Variants in PXMP2 observed in about 807,000 individuals in gnomAD.
The protein encoded by PXMP2 is peroxisomal membrane protein 2.
A neutral mutation model predicts 20.2 loss-of-function variants in PXMP2; 13 were observed. The ratio of observed to expected loss-of-function variants is 0.64; its 90% CI spans 0.42 to 1.02. The LOEUF is 1.02. Among genes scored for constraint, PXMP2 ranks in the 50% least tolerant of loss-of-function variants. PXMP2 has a pLI of 0.00. For synonymous variants in PXMP2, 113 were observed against 111.2 expected (o/e 1.02, Z -0.10); for missense variants, 284 against 251.8 (o/e 1.13, Z -0.87).
intron 2 of PXMP2, among the ~76,000 whole-genome samples, chr12:132,690,981 G>A (rs542957260): frequency 3.3e-5 from 5 of 152,050 alleles, no homozygotes; most frequent in East Asian, 3.9e-4. Context: ...CCCTGAAAGC[G>A]TCCTAGACTG....
At chr12:132,692,334 T>C (rs1459529011) in intron 2 of PXMP2, among the ~76,000 whole-genome samples, 5 of 135,518 alleles carry the variant, frequency 3.7e-5, no homozygotes, top group African/African-American at 1.4e-4. Flanking sequence ...AGCCAGTTAG[T>C]TAGTGAGCGC....
At chr12:132,695,853 C>T in intron 2 of PXMP2, 31 bp from the exon 3 acceptor site, 1 of 1,579,210 alleles carries the variant, frequency 6.3e-7, no homozygotes, top group Non-Finnish European at 8.6e-7. Flanking sequence ...CAGAGAACCA[C>T]AATCTGGCTC....
chr12:132,699,620 C>A (rs1439026184), intron 3 of PXMP2, among the ~76,000 whole-genome samples: 1 of 151,036 alleles, frequency 6.6e-6, no homozygotes, highest in Non-Finnish European at 1.5e-5. Flanking sequence ...AACCTCCGCC[C>A]CCCAGGTTCA....
In PXMP2 at chr12:132,696,128, G is replaced by C. The variant is rs1357886384; in HGVS notation, c.399+82G>C. On this transcript the variant is annotated intron_variant, in intron 3 of 4. Transcript: ENST00000317479. The surrounding 1 kb of genome is among the most constrained non-coding windows in gnomAD (Gnocchi z 4.4). ...CCTGACATTCTCGGCAGAATTCAGA[G>C]GGTCTGCAGATTTTTCACTCAAATT... 1 of 1,415,648 alleles carries C rather than the reference G, an allele frequency of 7.1e-7. No individual in the cohort carries two copies. The allele number at this position is 1,415,648 out of a possible 1,614,324, so 87.7% of individuals were successfully genotyped here. A position where few individuals can be genotyped will look rare whatever the true frequency, so the allele number is the denominator to read the frequency against.
chr12:132,704,691 C>T lies in PXMP2; in HGVS notation c.*4C>T. 2 of 1,571,114 alleles carry T rather than the reference C, an allele frequency of 1.3e-6. No homozygotes were observed. Among genetic ancestry groups the T allele is most frequent in the Admixed American group, 1.9e-5 (1 of 53,140 alleles). On this transcript the variant is annotated 3_prime_UTR_variant, in exon 5 of 5. Transcript: ENST00000317479. ...CCTGGCCTCCTTGGGGAAGTGACGA[C>T]CGCTGGGAGAACATCAGGTGCACTG...
At position 132,704,961 on chromosome 12, in the gene PXMP2, A is replaced by G. The variant is rs879483882; in HGVS notation, c.*274A>G. The G allele has an allele frequency of 1.3e-5, 7 of 531,770 alleles. No individual in the cohort carries two copies. Among genetic ancestry groups the G allele is most frequent in the African/African-American group, 5.8e-5 (3 of 51,516 alleles). 32.9% of individuals were successfully genotyped at this position (531,770 alleles called of 1,614,324 possible). A position where few individuals can be genotyped will look rare whatever the true frequency, so the allele number is the denominator to read the frequency against. On this transcript the variant is annotated 3_prime_UTR_variant, in exon 5 of 5. Transcript: ENST00000317479. ...TACTGTGGACCGAATTAGGATCACA[A>G]TAAACGATAATGCAGGTTCTTCAAT...
At chr12:132,694,412 C>CAGTT (rs572515116) in intron 2 of PXMP2, among the ~76,000 whole-genome samples, 1,600 of 71,644 alleles carry the variant, frequency 0.022, 226 homozygotes, top group African/African-American at 0.072. Flanking sequence ...GCGCCCTTGC[C>CAGTT]AGTTAGTGAG....
Position 132,687,594 on chromosome 12 carries a change from T to C in PXMP2, c.-77T>C. Reference sequence around the variant, plus strand: ...AAATGTCAGGCGGTCCCCACTCCGCTCTCGGCGCCTCGGGCTCCGCGCCCG... The same window carrying C: ...AAATGTCAGGCGGTCCCCACTCCGCCCTCGGCGCCTCGGGCTCCGCGCCCG... On this transcript the variant is annotated 5_prime_UTR_variant, in exon 1 of 5. Coordinates refer to ENST00000317479, the MANE Select transcript of PXMP2 (RefSeq NM_018663.3). 1.7e-6 allele frequency: 2 copies of C among 1,165,236 alleles called. No individual in the cohort carries two copies. The highest frequency in any genetic ancestry group is 8.6e-5 in the South Asian group (2 of 23,218). The allele number at this position is 1,165,236 out of a possible 1,614,324, so 72.2% of individuals were successfully genotyped here. A position where few individuals can be genotyped will look rare whatever the true frequency, so the allele number is the denominator to read the frequency against.
intron 3 of PXMP2, 56 bp from the exon 4 acceptor site, chr12:132,701,194 A>C (rs201100489): frequency 3.7e-6 from 6 of 1,606,662 alleles, no homozygotes; most frequent in Non-Finnish European, 4.2e-6. Context: ...GGGTGCCCGG[A>C]ATTCAGTTCT....
In PXMP2 at chr12:132,704,848, C is replaced by A; in HGVS notation, c.*161C>A. On this transcript the variant is annotated 3_prime_UTR_variant, in exon 5 of 5. Coordinates refer to ENST00000317479, the MANE Select transcript of PXMP2 (RefSeq NM_018663.3). Reference sequence around the variant, plus strand: ...TAGAGAAACAGAAATCTCTGAATGTCAGAACCCTGTCTTTTAAAAAGGCAG... The same window carrying A: ...TAGAGAAACAGAAATCTCTGAATGTAAGAACCCTGTCTTTTAAAAAGGCAG... 1 of 731,944 alleles carries A rather than the reference C, an allele frequency of 1.4e-6. No homozygotes were observed. The highest frequency in any genetic ancestry group is 1.6e-5 in the South Asian group (1 of 63,642). 45.3% of individuals were successfully genotyped at this position (731,944 alleles called of 1,614,324 possible).
chr12:132,699,111 G>A (rs1431360431), intron 3 of PXMP2, among the ~76,000 whole-genome samples: 10 of 152,120 alleles, frequency 6.6e-5, no homozygotes, highest in Non-Finnish European at 4.4e-5. Context: ...AGTCTCTGGT[G>A]TCTGTTATTT....
intron 1 of PXMP2, among the ~76,000 whole-genome samples, chr12:132,688,334 CCA>C (rs1266580151): frequency 1.7e-5 from 2 of 118,166 alleles, no homozygotes; most frequent in Non-Finnish European, 3.5e-5. Context: ...GAAGACAGGG[CCA>C]GGGGAGCGGG....
chr12:132,704,723 T>A lies in PXMP2; in HGVS notation c.*36T>A. 1.9e-6 allele frequency: 3 copies of A among 1,587,612 alleles called. No homozygotes were observed. Among genetic ancestry groups the A allele is most frequent in the Non-Finnish European group, 2.6e-6 (3 of 1,163,406 alleles). ...GAGAACATCAGGTGCACTGTGGACG[T>A]GGGTCTGGGGGTCTCACCCGCCCAG... On this transcript the variant is annotated 3_prime_UTR_variant, in exon 5 of 5. Transcript: ENST00000317479.
At chr12:132,697,189 G>A (rs148378449) in intron 3 of PXMP2, among the ~76,000 whole-genome samples, 2 of 151,890 alleles carry the variant, frequency 1.3e-5, no homozygotes, top group African/African-American at 4.8e-5. Flanking sequence ...GGAGGCTGAG[G>A]TGAGAAGATC....
At chr12:132,704,510 G>T in intron 4 of PXMP2, 109 bp from the exon 5 acceptor site, 1 of 823,654 alleles carries the variant, frequency 1.2e-6, no homozygotes, top group Non-Finnish European at 1.8e-6. Context: ...ATGGGTGGTT[G>T]GACCAGCTGA....
At chr12:132,698,240 G>A (rs2043421009) in intron 3 of PXMP2, among the ~76,000 whole-genome samples, 1 of 152,118 alleles carries the variant, frequency 6.6e-6, no homozygotes, top group South Asian at 2.1e-4. Context: ...TTGAACTCCT[G>A]ACCTCGTGAT....
chr12:132,692,724 TAGTTAGTGAGCTCCCTTAGCC>T (rs2043378544), intron 2 of PXMP2, among the ~76,000 whole-genome samples: 5 of 133,592 alleles, frequency 3.7e-5, no homozygotes, highest in African/African-American at 8.7e-5. Context: ...CCTTGCCAGT[TAGTTAGTGAGCTCCCTTAGCC>T]AGTTAGTGAG....
At chr12:132,700,504 C>G (rs551129161) in intron 3 of PXMP2, among the ~76,000 whole-genome samples, 204 of 152,134 alleles carry the variant, frequency 1.3e-3, no homozygotes, top group Middle Eastern at 0.01. Context: ...GTATCCGTTG[C>G]CCACTTTTTT....
intron 3 of PXMP2, among the ~76,000 whole-genome samples, chr12:132,697,207 C>T (rs529448950): frequency 1.3e-5 from 2 of 151,198 alleles, no homozygotes; most frequent in Non-Finnish European, 2.9e-5. Flanking sequence ...ATCCCTTGAG[C>T]CCAAGATGTG....
Sources: gnomAD v4.1 joint callset for allele counts (sites outside exome capture counted in the v4.1 genomes callset) on GRCh38, gnomAD v4.1.1 for gene constraint, Gnocchi (gnomAD v3.1) non-coding constraint, MANE v1.5 for transcripts, NCBI Gene and HGNC (gene_info 2026-07-23, HGNC 2026-07-21) for gene names.